The following PLD5 variants were observed in gnomAD, a reference collection of about 807,000 sequenced individuals.
PLD5 encodes the protein inactive phospholipase D5.
In PLD5, 36 loss-of-function variants were observed where a neutral mutation model predicts 61.1. The ratio of observed to expected loss-of-function variants is 0.59; its 90% CI spans 0.45 to 0.78. PLD5 has a LOEUF of 0.78. Ranked by LOEUF, PLD5 falls within the 30% of genes least tolerant of loss-of-function variation. The pLI is 0.00. For missense variants in PLD5, 515 were observed against 644.4 expected, an observed-to-expected ratio of 0.80 and a Z score of 2.17; for synonymous variants, 243 against 242.8, an observed-to-expected ratio of 1.00 and a Z score of -0.01.
At chr1:242,112,778 C>G (rs890445169) in intron 7 of PLD5, among the ~76,000 whole-genome samples, 5 of 152,148 alleles carry the variant, frequency 3.3e-5, no homozygotes, top group African/African-American at 9.7e-5. Context: ...TTAAAAAGGC[C>G]TGGGGTTGCA....
At chr1:242,508,506 G>A (rs993144147) in intron 1 of PLD5, among the ~76,000 whole-genome samples, 2 of 152,120 alleles carry the variant, frequency 1.3e-5, no homozygotes, top group Non-Finnish European at 2.9e-5. Flanking sequence ...CTGTACTTCC[G>A]ACAAGCACAT....
chr1:242,357,014 A>C (rs550098152), intron 1 of PLD5, among the ~76,000 whole-genome samples: 3 of 151,826 alleles, frequency 2.0e-5, no homozygotes, highest in Non-Finnish European at 4.4e-5. Context: ...TATGTATACC[A>C]TTAGGTTTTG....
At chr1:242,500,900 G>A (rs1668533155) in intron 1 of PLD5, among the ~76,000 whole-genome samples, 1 of 152,102 alleles carries the variant, frequency 6.6e-6, no homozygotes, top group East Asian at 1.9e-4. Flanking sequence ...ATAGAGGGAA[G>A]ATGAAAGGTT....
chr1:242,201,362 A>C (rs927128906), intron 5 of PLD5, among the ~76,000 whole-genome samples: 6 of 152,336 alleles, frequency 3.9e-5, no homozygotes, highest in Non-Finnish European at 8.8e-5. Flanking sequence ...CATACATTCC[A>C]ATTTTTTCCA....
intron 1 of PLD5, among the ~76,000 whole-genome samples, chr1:242,376,119 C>T (rs1189266165): frequency 1.3e-5 from 2 of 152,224 alleles, no homozygotes; most frequent in African/African-American, 2.4e-5. Flanking sequence ...CCAGCCCTTT[C>T]GTTACTTTCC....
At chr1:242,299,166 A>C (rs1435045429) in intron 2 of PLD5, among the ~76,000 whole-genome samples, 3 of 152,186 alleles carry the variant, frequency 2.0e-5, no homozygotes, top group Non-Finnish European at 4.4e-5. Flanking sequence ...GGTAGATAGG[A>C]GTATCCATTT....
chr1:242,310,999 G>A (rs1186104271), intron 2 of PLD5, among the ~76,000 whole-genome samples: 3 of 151,936 alleles, frequency 2.0e-5, no homozygotes, highest in African/African-American at 4.8e-5. Context: ...TTCTTCCAGT[G>A]GCCAGTTACT....
chr1:242,186,143 T>C (rs1667862044), intron 5 of PLD5, among the ~76,000 whole-genome samples: 1 of 151,632 alleles, frequency 6.6e-6, no homozygotes, highest in African/African-American at 2.4e-5. Flanking sequence ...GGCACTATTC[T>C]GAATTCTGTA....
chr1:242,413,319 T>A (rs1169200837), intron 1 of PLD5, among the ~76,000 whole-genome samples: 3 of 152,178 alleles, frequency 2.0e-5, no homozygotes, highest in East Asian at 3.9e-4. Flanking sequence ...CTTTTTTTTT[T>A]TTCTACCCAG....
intron 5 of PLD5, among the ~76,000 whole-genome samples, chr1:242,189,568 G>A (rs1668117884): frequency 6.9e-6 from 1 of 145,610 alleles, no homozygotes; most frequent in Non-Finnish European, 1.5e-5. Flanking sequence ...AGACACATAG[G>A]GCCATACTAT....
intron 2 of PLD5, among the ~76,000 whole-genome samples, chr1:242,292,231 C>T (rs1424928355): frequency 1.3e-5 from 2 of 152,116 alleles, no homozygotes; most frequent in East Asian, 3.9e-4. Flanking sequence ...GCCTCCCCTA[C>T]AACCGATGGA....
At chr1:242,141,295 C>A (rs1664144535) in intron 5 of PLD5, among the ~76,000 whole-genome samples, 1 of 152,116 alleles carries the variant, frequency 6.6e-6, no homozygotes, top group Admixed American at 6.5e-5. Flanking sequence ...CCAAATGCAA[C>A]CACCCGCTGT....
intron 2 of PLD5, among the ~76,000 whole-genome samples, chr1:242,290,656 A>G (rs1005487338): frequency 9.2e-5 from 14 of 152,154 alleles, no homozygotes; most frequent in African/African-American, 3.1e-4. Flanking sequence ...AGACCAGGGG[A>G]AAAAAAGAAG....
chr1:242,460,835 C>A (rs925569524), intron 1 of PLD5, among the ~76,000 whole-genome samples: 15 of 120,048 alleles, frequency 1.2e-4, no homozygotes, highest in African/African-American at 6.5e-4. Flanking sequence ...TAAATTTAAG[C>A]TCCATTAAAA....
intron 1 of PLD5, among the ~76,000 whole-genome samples, chr1:242,517,243 C>T (rs879667194): frequency 2.5e-4 from 37 of 150,430 alleles, no homozygotes; most frequent in Admixed American, 1.6e-3. Flanking sequence ...CAACTAAAAG[C>T]GATGACCATG....
At position 242,219,665 on chromosome 1, in the gene PLD5, G is replaced by T. The variant is rs565011530; in HGVS notation, c.735+323C>A. 1.5e-4 allele frequency among the ~76,000 whole-genome samples: 23 copies of T among 152,232 alleles called. No individual in the cohort carries two copies. In the South Asian group the frequency reaches 4.8e-3, roughly 32 times the overall value. ...CTACTGAATTTTTGTGTTTCCCCCT[G>T]TCTCATAGATGATGTAATATCATCC... On this transcript the variant is annotated intron_variant, in intron 5 of 9. Coordinates refer to ENST00000536534, the MANE Select transcript of PLD5 (RefSeq NM_001372062.1).
At chr1:242,175,049 A>T (rs1272610569) in intron 5 of PLD5, among the ~76,000 whole-genome samples, 1 of 152,080 alleles carries the variant, frequency 6.6e-6, no homozygotes, top group African/African-American at 2.4e-5. Flanking sequence ...AATAATAAAA[A>T]AAAACTATTC....
chr1:242,334,130 T>C (rs1416069978), intron 2 of PLD5, among the ~76,000 whole-genome samples: 3 of 152,026 alleles, frequency 2.0e-5, no homozygotes, highest in African/African-American at 7.2e-5. Context: ...CAACAGAATA[T>C]GAGGAAAAAG....
At chr1:242,465,391 C>A (rs1667244025) in intron 1 of PLD5, among the ~76,000 whole-genome samples, 1 of 152,190 alleles carries the variant, frequency 6.6e-6, no homozygotes, top group Admixed American at 6.5e-5. Flanking sequence ...ACCTTATAAC[C>A]TATAGTAGAT....
Sources: allele counts gnomAD v4.1 joint callset (sites outside exome capture counted in the v4.1 genomes callset), GRCh38; gene constraint gnomAD v4.1.1; transcripts MANE v1.5; gene names NCBI Gene and HGNC (gene_info 2026-07-23, HGNC 2026-07-21).